The following SOX5 variants were observed in gnomAD, a reference collection of about 807,000 sequenced individuals.
The protein encoded by SOX5 is SRY-box transcription factor 5.
Under a neutral mutation model 92.0 loss-of-function variants are expected in SOX5, and 9 were observed. That is an observed-to-expected ratio of 0.10 (90% CI 0.06 to 0.17). The LOEUF (loss-of-function observed/expected upper bound fraction) is 0.17. Among genes scored for constraint, SOX5 ranks in the 10% least tolerant of loss-of-function variants. The probability of loss-of-function intolerance (pLI) is 1.00; values close to 1 mark genes in which losing one functional copy is unlikely to be tolerated. For synonymous variants in SOX5, 344 were observed against 336.3 expected (o/e 1.02, Z -0.25); for missense variants, 642 against 944.5 (o/e 0.68, Z 4.20).
chr12:24,550,217 A>G (rs764037236), intron 1 of SOX5, among the ~76,000 whole-genome samples: 4 of 152,314 alleles, frequency 2.6e-5, no homozygotes, highest in Non-Finnish European at 5.9e-5. Flanking sequence ...AATAACATCA[A>G]TCAACATCAG....
chr12:23,971,618 C>A (rs112552260), intron 4 of SOX5, among the ~76,000 whole-genome samples: 4,287 of 150,796 alleles, frequency 0.028, 86 homozygotes, highest in South Asian at 0.077. Context: ...TCACATCAGC[C>A]AAGTATAGAA....
At chr12:23,815,652 T>C (rs949707668) in intron 3 of SOX5, among the ~76,000 whole-genome samples, 5 of 152,196 alleles carry the variant, frequency 3.3e-5, no homozygotes, top group Admixed American at 2.6e-4. Flanking sequence ...GAGAAAATGC[T>C]ACCTCCTAGG....
chr12:24,399,170 C>G (rs1004972470), intron 1 of SOX5, among the ~76,000 whole-genome samples: 19 of 151,902 alleles, frequency 1.3e-4, no homozygotes, highest in African/African-American at 4.1e-4. Context: ...AAATAGCTTT[C>G]TTTTCAAATT....
chr12:24,386,135 A>G (rs560989920), intron 1 of SOX5, among the ~76,000 whole-genome samples: 16 of 152,272 alleles, frequency 1.1e-4, no homozygotes, highest in African/African-American at 3.8e-4. Context: ...TTACAACATT[A>G]ATGAGGAAAA....
chr12:23,871,762 T>A (rs927692015), intron 2 of SOX5, among the ~76,000 whole-genome samples: 5 of 152,210 alleles, frequency 3.3e-5, no homozygotes, highest in African/African-American at 9.6e-5. Context: ...TCAACCTCAA[T>A]GTTCACTTGT....
At chr12:24,561,815 T>A (rs1327861730) in intron 1 of SOX5, among the ~76,000 whole-genome samples, 1 of 106,526 alleles carries the variant, frequency 9.4e-6, no homozygotes, top group African/African-American at 4.2e-5. Flanking sequence ...GGTTAGGGGG[T>A]GGGCCAGGGG....
intron 4 of SOX5, among the ~76,000 whole-genome samples, chr12:23,992,242 C>T (rs1356262562): frequency 6.6e-6 from 1 of 152,046 alleles, no homozygotes; most frequent in Non-Finnish European, 1.5e-5. Flanking sequence ...CTTTAGTTAA[C>T]AATGATATAT....
chr12:23,922,320 A>T (rs534138982), intron 1 of SOX5, among the ~76,000 whole-genome samples: 1 of 152,368 alleles, frequency 6.6e-6, no homozygotes, highest in South Asian at 2.1e-4. Context: ...TTATCAATAT[A>T]TCATTTAGAA....
chr12:23,962,223 C>T (rs4261365), intron 4 of SOX5, among the ~76,000 whole-genome samples: 1 of 137,218 alleles, frequency 7.3e-6, no homozygotes, highest in Non-Finnish European at 1.5e-5. Flanking sequence ...AAACAAACAA[C>T]AAAAAAGACC....
intron 2 of SOX5, among the ~76,000 whole-genome samples, chr12:24,281,464 G>T (rs1213748562): frequency 2.0e-5 from 3 of 152,118 alleles, no homozygotes; most frequent in Non-Finnish European, 4.4e-5. Flanking sequence ...AGCTAAAAAG[G>T]TCACCATTTT....
chr12:24,457,647 T>C (rs918548172), intron 1 of SOX5, among the ~76,000 whole-genome samples: 6 of 152,162 alleles, frequency 3.9e-5, no homozygotes, highest in African/African-American at 1.4e-4. Flanking sequence ...CTGGATTCTA[T>C]AAATAAAAGA....
At position 24,157,168 on chromosome 12, in the gene SOX5, A is replaced by G. The variant is rs530287457; in HGVS notation, c.-2+56175T>C. On this transcript the variant is annotated intron_variant, in intron 4 of 4. Coordinates refer to the SOX5 transcript ENST00000446891. ...CCATTTTTGTTTCATTAGCATTTCT[A>G]TGGTATCGTGGCATTCCTATACATA... is the stretch of plus-strand genomic sequence containing the variant. Among the ~76,000 whole-genome samples, 19 of 152,102 alleles carry G rather than the reference A, an allele frequency of 1.2e-4. 1 individual carries two copies. Among genetic ancestry groups the G allele is most frequent in the African/African-American group, 3.6e-4 (15 of 41,534 alleles).
In SOX5 at chr12:23,617,200, A is replaced by G. The variant is rs544678445; in HGVS notation, c.1018-12667T>C. Among the ~76,000 whole-genome samples the G allele has an allele frequency of 6.9e-4, 105 of 152,034 alleles. 1 individual carries two copies. Among genetic ancestry groups the G allele is most frequent in the Admixed American group, 1.4e-3 (21 of 15,252 alleles). ...AGGGGAAAAATGTTACCAACTTCAG[A>G]AATGAAATTTTCTGCCTTCAGAGAA... On this transcript the variant is annotated intron_variant, in intron 8 of 14. Transcript: ENST00000451604.
intron 9 of SOX5, among the ~76,000 whole-genome samples, chr12:23,578,146 A>AAAAAAAAAAAAAAAAAAC: frequency 7.3e-6 from 1 of 137,320 alleles, no homozygotes; most frequent in Non-Finnish European, 1.6e-5. Context: ...AAAAAAAAAA[A>AAAAAAAAAAAAAAAAAAC]AAAACTATAG....
Position 24,435,270 on chromosome 12 carries a change from G to A in SOX5, c.-250-66631C>T, listed in dbSNP as rs571713429. ...AGCTAGTAGAAAGGTGAGCAGAGTA[G>A]AGTGATGGGAAGATGAAGATGTACC... is the stretch of plus-strand genomic sequence containing the variant. On this transcript the variant is annotated intron_variant, in intron 1 of 4. Transcript: ENST00000446891. 1.4e-3 allele frequency among the ~76,000 whole-genome samples: 210 copies of A among 152,346 alleles called. 2 individuals are homozygous for A. The highest frequency in any genetic ancestry group is 4.6e-3 in the African/African-American group (192 of 41,578).
intron 9 of SOX5, among the ~76,000 whole-genome samples, chr12:23,598,387 C>CTTTTTTTTTTTTTTT (rs201719026): frequency 1.1e-5 from 1 of 95,128 alleles, no homozygotes; most frequent in African/African-American, 4.4e-5. Flanking sequence ...TGTGCTTTAT[C>CTTTTTTTTTTTTTTT]TTTTTTTTTT....
intron 8 of SOX5, among the ~76,000 whole-genome samples, chr12:23,639,432 G>T (rs150326254): frequency 4.6e-5 from 7 of 152,204 alleles, no homozygotes; most frequent in Admixed American, 2.6e-4. Flanking sequence ...ACCAACATCT[G>T]AAATCTCTAA....
chr12:23,537,912 A>G (rs1325686624), intron 13 of SOX5, among the ~76,000 whole-genome samples: 1 of 150,390 alleles, frequency 6.6e-6, no homozygotes, highest in Non-Finnish European at 1.5e-5. Context: ...TTGAGAGGTG[A>G]CAGCGTGCTG....
chr12:24,557,859 A>G (rs1271406678), intron 1 of SOX5, among the ~76,000 whole-genome samples: 2 of 152,218 alleles, frequency 1.3e-5, no homozygotes, highest in Non-Finnish European at 2.9e-5. Flanking sequence ...GTACTCCCCA[A>G]GATACATTTT....
Sources: allele counts gnomAD v4.1 joint callset (sites outside exome capture counted in the v4.1 genomes callset), GRCh38; gene constraint gnomAD v4.1.1; transcripts MANE v1.5; gene names NCBI Gene and HGNC (gene_info 2026-07-23, HGNC 2026-07-21).